The following TANK variants were observed in gnomAD, a reference collection of about 807,000 sequenced individuals.
TANK encodes TRAF family member-associated NF-kappa-B activator.
A neutral mutation model predicts 43.6 loss-of-function variants in TANK; 15 were observed. The ratio of observed to expected loss-of-function variants is 0.34; its 90% CI spans 0.23 to 0.53. The LOEUF is 0.53. Among genes scored for constraint, TANK ranks in the 20% least tolerant of loss-of-function variants. The probability of loss-of-function intolerance (pLI) is 0.94; values close to 1 mark genes in which losing one functional copy is unlikely to be tolerated. For synonymous variants in TANK, 162 were observed against 178.2 expected (o/e 0.91, Z 0.73); for missense variants, 417 against 498.6 (o/e 0.84, Z 1.56).
Position 161,139,904 on chromosome 2 carries a change from ATG to A in TANK, c.-50+2847_-50+2848del, listed in dbSNP as rs1683693764. 8.1e-6 allele frequency: 8 copies of A among 983,176 alleles called. No individual in the cohort carries two copies. The South Asian group carries it at 2.8e-4, about 35-fold the overall frequency. 60.9% of individuals were successfully genotyped at this position (983,176 alleles called of 1,614,324 possible). On this transcript the variant is annotated intron_variant, in intron 1 of 7. Transcript: ENST00000259075. Reference sequence around the variant, plus strand: ...TTTAGTTACAACTGTGGTAAGCAAAATGTGTGTCCAAATTGATTAATCTTATA... The same window carrying A: ...TTTAGTTACAACTGTGGTAAGCAAAATGTGTCCAAATTGATTAATCTTATA...
intron 2 of TANK, among the ~76,000 whole-genome samples, chr2:161,186,975 C>T (rs1685690196): frequency 6.6e-6 from 1 of 152,190 alleles, no homozygotes; most frequent in South Asian, 2.1e-4. Context: ...GATATCATCT[C>T]ACCTGAGTTA....
chr2:161,232,372 C>A (rs1243531733), intron 7 of TANK, among the ~76,000 whole-genome samples: 1 of 152,134 alleles, frequency 6.6e-6, no homozygotes. Flanking sequence ...TGTCTGATTT[C>A]TCTTTGCCTT....
At chr2:161,234,877 T>C (rs1688102910) in intron 7 of TANK, among the ~76,000 whole-genome samples, 1 of 152,234 alleles carries the variant, frequency 6.6e-6, no homozygotes, top group African/African-American at 2.4e-5. Context: ...TATTTGCTTA[T>C]AAACAGTAGT....
At chr2:161,192,826 A>C (rs760567919) in intron 2 of TANK, among the ~76,000 whole-genome samples, 22 of 152,218 alleles carry the variant, frequency 1.4e-4, no homozygotes, top group Non-Finnish European at 2.8e-4. Flanking sequence ...CTAGACTCAG[A>C]AATGTTGATT....
At chr2:161,185,805 A>G (rs1306299701) in intron 2 of TANK, among the ~76,000 whole-genome samples, 2 of 151,946 alleles carry the variant, frequency 1.3e-5, no homozygotes, top group African/African-American at 4.8e-5. Flanking sequence ...TGGCACATGT[A>G]TACATATGTA....
At chr2:161,209,053 C>T (rs989588901) in intron 4 of TANK, among the ~76,000 whole-genome samples, 3 of 152,004 alleles carry the variant, frequency 2.0e-5, no homozygotes, top group African/African-American at 4.8e-5. Flanking sequence ...ATTGATGAAA[C>T]GTAAGGGAAC....
At chr2:161,141,728 C>G (rs755860895) in intron 1 of TANK, among the ~76,000 whole-genome samples, 1 of 152,124 alleles carries the variant, frequency 6.6e-6, no homozygotes, top group Non-Finnish European at 1.5e-5. Context: ...TCCTGTCTAT[C>G]ACTGATGGGC....
At chr2:161,144,254 A>C (rs10199589) in intron 1 of TANK, among the ~76,000 whole-genome samples, 4,672 of 152,108 alleles carry the variant, frequency 0.031, 220 homozygotes, top group African/African-American at 0.1. Flanking sequence ...TTTCAAAAAA[A>C]CAGCTCCTGG....
intron 2 of TANK, 140 bp downstream of exon 2, chr2:161,179,901 T>G: frequency 1.6e-6 from 2 of 1,281,546 alleles, no homozygotes; most frequent in Non-Finnish European, 2.0e-6. Context: ...TATTAATGGA[T>G]TAAATTTGAA....
At chr2:161,137,165 A>G in intron 1 of TANK, 1 of 985,378 alleles carries the variant, frequency 1.0e-6, no homozygotes, top group South Asian at 4.7e-5. Context: ...TACTCTTGCT[A>G]TGTGAGTAAT....
At chr2:161,224,119 C>T in intron 5 of TANK, 128 bp downstream of exon 5, 2 of 576,164 alleles carry the variant, frequency 3.5e-6, no homozygotes, top group South Asian at 6.1e-5. Flanking sequence ...AAGTGACCAA[C>T]CCCAGAATCC....
chr2:161,169,885 T>A lies in TANK; in HGVS notation c.-50+9399T>A, dbSNP rs192467173. 2.7e-3 allele frequency among the ~76,000 whole-genome samples: 405 copies of A among 152,272 alleles called. 5 individuals carry two copies. Among genetic ancestry groups the A allele is most frequent in the South Asian group, 0.017 (84 of 4,826 alleles). On this transcript the variant is annotated intron_variant, in intron 1 of 7. Coordinates refer to ENST00000392749, the MANE Select transcript of TANK (RefSeq NM_001199135.3). ...TTCCTCCTCTGTAAAGGGAAGACAA[T>A]ATATGCTTCTGCAGAGGGAAGATTA...
chr2:161,216,541 G>A (rs1574051275), intron 4 of TANK: 1 of 313,672 alleles, frequency 3.2e-6, no homozygotes, highest in Non-Finnish European at 6.3e-6. Flanking sequence ...TTGACATGAA[G>A]AATATACTAG....
In TANK at chr2:161,224,735, A is replaced by G. The variant is rs1238623743; in HGVS notation, c.509A>G (p.Asp170Gly). 2.6e-6 allele frequency: 4 copies of G among 1,518,208 alleles called. No homozygotes were observed. The East Asian group carries it at 9.4e-5, about 36-fold the overall frequency. 94.0% of individuals were successfully genotyped at this position (1,518,208 alleles called of 1,614,324 possible). ...CACTTAAGCAAACTTAATATACCAG[A>G]CACTGCAACTGGTAAGATTTAATTT... ...KDHLSKLNIP[D>G]TATETQCSVP... is the part of the protein sequence containing the mutation. Residue 170 changes from aspartate to glycine, a missense_variant, in exon 6 of 8, where the codon GAC becomes GGC. Physicochemically the swap from Asp to Gly is moderately conservative, Grantham distance 94. Coordinates refer to ENST00000392749, the MANE Select transcript of TANK (RefSeq NM_001199135.3).
At chr2:161,145,654 C>A (rs1169502777) in intron 1 of TANK, among the ~76,000 whole-genome samples, 1 of 151,914 alleles carries the variant, frequency 6.6e-6, no homozygotes, top group East Asian at 1.9e-4. Context: ...TTGGCCCCCA[C>A]TCTCTTCTGG....
At chr2:161,188,962 A>G (rs1471197251) in intron 2 of TANK, among the ~76,000 whole-genome samples, 2 of 152,188 alleles carry the variant, frequency 1.3e-5, no homozygotes, top group Non-Finnish European at 2.9e-5. Flanking sequence ...ACTATATGGA[A>G]GATGCTAGTG....
At chr2:161,213,334 G>C (rs1686974370) in intron 4 of TANK, among the ~76,000 whole-genome samples, 1 of 152,160 alleles carries the variant, frequency 6.6e-6, no homozygotes, top group African/African-American at 2.4e-5. Context: ...TGGGCGCAGT[G>C]GCTCACGCCT....
rs767052443 is a variant in TANK, at chr2:161,235,512, G to A, written c.1272G>A (p.Glu424=). Residue 424 remains glutamate, a synonymous_variant, in exon 8 of 8, where the codon GAG becomes GAA. Coordinates refer to ENST00000392749, the MANE Select transcript of TANK (RefSeq NM_001199135.3). Reference sequence around the variant, plus strand: ...ATCTTAATTCACACTTCAATGGAGAGACTTAAGACACATTTGAAAACAGAC... The same window carrying A: ...ATCTTAATTCACACTTCAATGGAGAAACTTAAGACACATTTGAAAACAGAC... ...LRHLNSHFNG[E]T 2.2e-5 allele frequency: 36 copies of A among 1,609,820 alleles called. No individual in the cohort carries two copies. The highest frequency in any genetic ancestry group is 2.9e-5 in the Non-Finnish European group (34 of 1,178,254).
intron 4 of TANK, among the ~76,000 whole-genome samples, chr2:161,219,294 C>A (rs1687243772): frequency 6.6e-6 from 1 of 152,142 alleles, no homozygotes; most frequent in Non-Finnish European, 1.5e-5. Flanking sequence ...AAACCACAAC[C>A]CAATAAAGAA....
Sources: allele counts gnomAD v4.1 joint callset (sites outside exome capture counted in the v4.1 genomes callset), GRCh38; gene constraint gnomAD v4.1.1; transcripts MANE v1.5; gene names NCBI Gene and HGNC (gene_info 2026-07-23, HGNC 2026-07-21).